Variants in NFATC2 observed in about 807,000 individuals in gnomAD.
NFATC2 encodes the protein nuclear factor of activated T cells 2, also known as nuclear factor of activated T-cells, cytoplasmic 2.
In NFATC2, 22 loss-of-function variants were observed where a neutral mutation model predicts 87.3. That is an observed-to-expected ratio of 0.25 (90% confidence interval 0.18 to 0.36). NFATC2 has a LOEUF of 0.36. Ranked by LOEUF, NFATC2 falls within the 10% of genes least tolerant of loss-of-function variation. The probability of loss-of-function intolerance (pLI) is 1.00; values close to 1 mark genes in which losing one functional copy is unlikely to be tolerated. For synonymous variants in NFATC2, 565 were observed against 542.2 expected, an observed-to-expected ratio of 1.04 and a Z score of -0.58; for missense variants, 1,149 against 1,259.1, an observed-to-expected ratio of 0.91 and a Z score of 1.32.
chr20:51,421,081 A>C (rs528260237), intron 9 of NFATC2, among the ~76,000 whole-genome samples: 50 of 151,966 alleles, frequency 3.3e-4, no homozygotes, highest in Non-Finnish European at 5.7e-4. Context: ...CTTAAAAAAA[A>C]AAAAAAACAA....
At chr20:51,501,503 C>A (rs748843583) in intron 3 of NFATC2, among the ~76,000 whole-genome samples, 2 of 152,234 alleles carry the variant, frequency 1.3e-5, no homozygotes, top group Non-Finnish European at 2.9e-5. Context: ...TGCCTCAGGG[C>A]TTCAGCACTG....
intron 3 of NFATC2, among the ~76,000 whole-genome samples, chr20:51,502,059 T>G (rs2076097711): frequency 6.6e-6 from 1 of 152,214 alleles, no homozygotes; most frequent in Non-Finnish European, 1.5e-5. Context: ...CAAACTCGAA[T>G]GTGCACACAG....
At chr20:51,554,033 T>G (rs1287213512) in intron 1 of NFATC2, among the ~76,000 whole-genome samples, 1 of 152,090 alleles carries the variant, frequency 6.6e-6, no homozygotes, top group Non-Finnish European at 1.5e-5. Flanking sequence ...CTGTACCGAT[T>G]TCCTAATCTT....
chr20:51,439,695 T>A (rs538804248), intron 6 of NFATC2, among the ~76,000 whole-genome samples: 1 of 152,202 alleles, frequency 6.6e-6, no homozygotes, highest in East Asian at 1.9e-4. Context: ...TTCCTGGCCA[T>A]GTCCTGCGGC....
At chr20:51,459,367 G>T (rs934235084) in intron 5 of NFATC2, among the ~76,000 whole-genome samples, 3 of 152,296 alleles carry the variant, frequency 2.0e-5, no homozygotes, top group East Asian at 1.9e-4. Flanking sequence ...GCAGAGAGAC[G>T]GAGAGCAGAT....
rs188443670 is a variant in NFATC2, at chr20:51,535,349, T to G, written c.130+7021A>C. Among the ~76,000 whole-genome samples, 188 of 152,174 alleles carry G rather than the reference T, an allele frequency of 1.2e-3. 1 individual carries two copies. Among genetic ancestry groups the G allele is most frequent in the African/African-American group, 4.4e-3 (183 of 41,514 alleles). ...GTTTGGTCTCTTACTGATCCCCACA[T>G]CCCCTCGCACAGCCTGAAAGGCTGA... On this transcript the variant is annotated intron_variant, in intron 1 of 10. Transcript: ENST00000371564.
At chr20:51,420,250 A>G (rs901648530) in intron 9 of NFATC2, among the ~76,000 whole-genome samples, 1 of 152,238 alleles carries the variant, frequency 6.6e-6, no homozygotes, top group Non-Finnish European at 1.5e-5. Context: ...TCACCATTTT[A>G]TAATTCATGC....
At chr20:51,540,740 T>G (rs188081042) in intron 1 of NFATC2, among the ~76,000 whole-genome samples, 12 of 147,324 alleles carry the variant, frequency 8.1e-5, no homozygotes, top group African/African-American at 3.1e-4. Context: ...CAAGCAGCAC[T>G]TGCCAAGAAA....
intron 1 of NFATC2, among the ~76,000 whole-genome samples, chr20:51,551,082 G>A (rs529949406): frequency 1.3e-5 from 2 of 152,300 alleles, no homozygotes; most frequent in South Asian, 2.1e-4. Flanking sequence ...TCCCTTCAAC[G>A]GAAGCATTCC....
At chr20:51,552,026 CA>C (rs60592460) in intron 1 of NFATC2, among the ~76,000 whole-genome samples, 104,193 of 145,934 alleles carry the variant, frequency 0.71, 37,616 homozygotes, top group East Asian at 0.89. Flanking sequence ...GGCTCCATCT[CA>C]AAAAAAAAAA....
chr20:51,558,484 T>TGG lies in NFATC2; in HGVS notation c.70+4074_70+4075dup, dbSNP rs71192531. On this transcript the variant is annotated intron_variant, in intron 1 of 10. Transcript: ENST00000414705. The stretch of plus-strand genomic sequence containing the variant: ...AATTGGATTTAGGCATTGGTTTTTT[T>TGG]GGGGGGGGGCGAGGTAAATGTTGAA... Among the ~76,000 whole-genome samples, 444 of 150,538 alleles carry TGG rather than the reference T, an allele frequency of 2.9e-3. 6 individuals are homozygous for TGG. The highest frequency in any genetic ancestry group is 0.021 in the East Asian group (109 of 5,102).
chr20:51,497,068 G>C (rs1174773955), intron 3 of NFATC2, among the ~76,000 whole-genome samples: 1 of 152,206 alleles, frequency 6.6e-6, no homozygotes, highest in Non-Finnish European at 1.5e-5. Context: ...ACTGAGAAAT[G>C]TCACTCCCAT....
At chr20:51,422,917 T>G (rs1981169333) in intron 9 of NFATC2, among the ~76,000 whole-genome samples, 2 of 152,222 alleles carry the variant, frequency 1.3e-5, no homozygotes, top group Admixed American at 6.5e-5. Context: ...CCAAATTCTT[T>G]TTCAAGTTCT....
At chr20:51,431,365 C>T (rs1383284765) in intron 9 of NFATC2, among the ~76,000 whole-genome samples, 3 of 152,144 alleles carry the variant, frequency 2.0e-5, no homozygotes, top group Non-Finnish European at 2.9e-5. Flanking sequence ...ATCACAGCTT[C>T]TCCACAAGAC....
intron 1 of NFATC2, among the ~76,000 whole-genome samples, chr20:51,535,492 G>A (rs1233234013): frequency 6.6e-6 from 1 of 152,246 alleles, no homozygotes; most frequent in Non-Finnish European, 1.5e-5. Context: ...CTTCTTGACT[G>A]ACAGCTTCTT....
intron 5 of NFATC2, among the ~76,000 whole-genome samples, chr20:51,467,912 C>T (rs565319663): frequency 9.2e-5 from 14 of 152,272 alleles, no homozygotes; most frequent in Admixed American, 3.3e-4. Context: ...CGGGAACAGA[C>T]CAAATTTCTA....
chr20:51,399,799 C>T (rs1987795613), intron 9 of NFATC2, among the ~76,000 whole-genome samples: 1 of 152,210 alleles, frequency 6.6e-6, no homozygotes, highest in Non-Finnish European at 1.5e-5. Context: ...TTGAAACTGA[C>T]TTCTTCCAAG....
intron 5 of NFATC2, among the ~76,000 whole-genome samples, chr20:51,466,204 C>A (rs1276222853): frequency 1.3e-5 from 2 of 152,140 alleles, no homozygotes; most frequent in African/African-American, 4.8e-5. Context: ...AGGTGTGCAC[C>A]ACCACACCTG....
At chr20:51,460,872 G>A (rs1236906793) in intron 5 of NFATC2, among the ~76,000 whole-genome samples, 1 of 152,180 alleles carries the variant, frequency 6.6e-6, no homozygotes, top group Admixed American at 6.5e-5. Context: ...GAAGGTGCTA[G>A]ATAAAAATGC....
Sources: gnomAD v4.1 joint callset for allele counts (sites outside exome capture counted in the v4.1 genomes callset) on GRCh38, gnomAD v4.1.1 for gene constraint, MANE v1.5 for transcripts, NCBI Gene and HGNC (gene_info 2026-07-23, HGNC 2026-07-21) for gene names.